MAPK15: variants seen among roughly 807,000 people sequenced by gnomAD.
The protein encoded by MAPK15 is ERK-7.
MAPK15 carries 61 observed loss-of-function variants against 60.8 expected under a neutral mutation model. The observed-to-expected ratio is 1.00, with a 90% CI of 0.82 to 1.24. MAPK15 has a LOEUF of 1.24. Ranked by LOEUF, MAPK15 falls within the 50% of genes most tolerant of loss-of-function variation. The pLI is 0.00. For missense variants in MAPK15, 808 were observed against 741.1 expected (o/e 1.09, Z -1.05); for synonymous variants, 356 against 319.9 (o/e 1.11, Z -1.21).
rs56038219 is a variant in MAPK15, at chr8:143,722,129, T to C, written c.1513T>C (p.Ser505Pro). 58,237 of 1,612,358 alleles carry C rather than the reference T, an allele frequency of 0.036. 1,319 individuals carry two copies. The highest frequency in any genetic ancestry group is 0.044 in the Non-Finnish European group (52,334 of 1,179,746). Residue 505 changes from serine (S) to proline (P), a missense_variant, in exon 14 of 14, where the codon TCT (serine) becomes CCT (proline). Transcript: ENST00000338033. ...GCCCGGCCGGAGGATGTTCAGCACC[T>C]CTGCCTTGCAGGGTGCCCAGGGGGG... is the stretch of plus-strand genomic sequence containing the variant. ...ARPGRRMFST[S>P]ALQGAQGGAR...
At position 143,718,316 on chromosome 8, in the gene MAPK15, C is replaced by G. The variant is rs782519909; in HGVS notation, c.286+14C>G. 2 of 1,611,862 alleles carry G rather than the reference C, an allele frequency of 1.2e-6. No homozygotes were observed. The highest frequency in any genetic ancestry group is 1.1e-5 in the South Asian group (1 of 91,060). On this transcript the variant is annotated intron_variant, in intron 4 of 13. Coordinates refer to ENST00000338033, the MANE Select transcript of MAPK15 (RefSeq NM_139021.3). ...TTGAGTTTATGGGTGAGTGAGGCCCCGGCCAGCGCCCCAGCCCCACCTCTG... is the reference window on the plus strand; with the variant it reads ...TTGAGTTTATGGGTGAGTGAGGCCCGGGCCAGCGCCCCAGCCCCACCTCTG...
Position 143,719,382 on chromosome 8 carries a change from C to A in MAPK15, c.621C>A (p.Ile207=), listed in dbSNP as rs146454342. Residue 207 remains isoleucine, a synonymous_variant, in exon 7 of 14, where the codon ATC becomes ATA. Coordinates refer to ENST00000338033, the MANE Select transcript of MAPK15 (RefSeq NM_139021.3). ...TGGACATGTGGAGTCTGGGCTGTATCCTGGGGGAGATGCTGCGGGGGAGAC... is the reference window on the plus strand; with the variant it reads ...TGGACATGTGGAGTCTGGGCTGTATACTGGGGGAGATGCTGCGGGGGAGAC... ...LGVDMWSLGC[I]LGEMLRGRPL... is the part of the protein sequence containing the mutation. 249 of 1,611,590 alleles carry A rather than the reference C, an allele frequency of 1.5e-4. No individual in the cohort carries two copies. In the Middle Eastern group the frequency reaches 1.7e-3, roughly 11 times the overall value.
At position 143,720,885 on chromosome 8, in the gene MAPK15, G is replaced by T. The variant is rs1554619583; in HGVS notation, c.917+45G>T. On this transcript the variant is annotated intron_variant, in intron 9 of 13. Transcript: ENST00000338033. This position sits in a 1 kb window ranked among gnomAD's most constrained non-coding sequence, Gnocchi z 4.6. ...CCCCAAGTGCGGGGGGACAGAGGTG[G>T]GGGCAGGAGAGAGCCAGCCCATGAG... The T allele has an allele frequency of 2.5e-6, 4 of 1,597,816 alleles. No homozygotes were observed. Among genetic ancestry groups the T allele is most frequent in the Middle Eastern group, 4.3e-4 (2 of 4,668 alleles).
Position 143,720,485 on chromosome 8 carries a change from G to A in MAPK15, c.779+198G>A. On this transcript the variant is annotated intron_variant, in intron 8 of 13. Coordinates refer to ENST00000338033, the MANE Select transcript of MAPK15 (RefSeq NM_139021.3). This position sits in a 1 kb window ranked among gnomAD's most constrained non-coding sequence, Gnocchi z 4.6. ...GGTGCTCCTAGAGGGTGGCCCAGAG[G>A]AGCTGTGCCAGGGCGTGGAGAGGAG... 1 of 1,449,072 alleles carries A rather than the reference G, an allele frequency of 6.9e-7. No individual in the cohort carries two copies. The highest frequency in any genetic ancestry group is 9.1e-7 in the Non-Finnish European group (1 of 1,097,748). The allele number at this position is 1,449,072 out of a possible 1,614,324, so 89.8% of individuals were successfully genotyped here.
At chr8:143,718,601 CT>C in intron 4 of MAPK15, 173 bp from the exon 5 acceptor site, 1 of 646,950 alleles carries the variant, frequency 1.5e-6, no homozygotes, top group Non-Finnish European at 2.7e-6. Context: ...AGTGTTAAAA[CT>C]CCTGCAGACC....
chr8:143,718,590 A>T, intron 4 of MAPK15, 185 bp from the exon 5 acceptor site: 1 of 636,372 alleles, frequency 1.6e-6, no homozygotes, highest in South Asian at 1.9e-5. Context: ...ACATGAAATA[A>T]AGTGTTAAAA....
At position 143,720,408 on chromosome 8, in the gene MAPK15, G is replaced by A; in HGVS notation, c.779+121G>A. The A allele has an allele frequency of 1.4e-6, 2 of 1,451,338 alleles. No individual in the cohort carries two copies. Among genetic ancestry groups the A allele is most frequent in the Non-Finnish European group, 1.8e-6 (2 of 1,098,622 alleles). 89.9% of individuals were successfully genotyped at this position (1,451,338 alleles called of 1,614,324 possible). A position where few individuals can be genotyped will look rare whatever the true frequency, so the allele number is the denominator to read the frequency against. On this transcript the variant is annotated intron_variant, in intron 8 of 13. Coordinates refer to ENST00000338033, the MANE Select transcript of MAPK15 (RefSeq NM_139021.3). This position sits in a 1 kb window ranked among gnomAD's most constrained non-coding sequence, Gnocchi z 4.6. ...TTCAGATTCTGCCTGTTTTCAAGAT[G>A]GCAGTCCCAAACCCAACAACTGTTG...
chr8:143,717,941 G>T, intron 2 of MAPK15, 106 bp from the exon 3 acceptor site: 1 of 1,548,220 alleles, frequency 6.5e-7, no homozygotes, highest in Non-Finnish European at 8.9e-7. Context: ...GCCACGCCTG[G>T]TCTGGTGGGT....
rs371482487 is a variant in MAPK15 at position 143,721,327 on chromosome 8, G to T, written c.1120G>T (p.Asp374Tyr). ...GGCACACCTGCACAAACCCAGAGCC[G>T]ACCCTCAGCTGCCTTCTAGGACACC... ...SQAHLHKPRA[D>Y]PQLPSRTPVQ... The change falls in exon 11 of 14, where the codon GAC becomes TAC. Residue 374 changes from aspartate (D) to tyrosine (Y), a missense_variant. Transcript: ENST00000338033. 1.1e-5 allele frequency: 17 copies of T among 1,613,492 alleles called. No individual in the cohort carries two copies. Among genetic ancestry groups the T allele is most frequent in the Non-Finnish European group, 1.4e-5 (17 of 1,179,928 alleles).
intron 1 of MAPK15, 122 bp downstream of exon 1, chr8:143,716,565 T>G: frequency 1.2e-6 from 1 of 822,274 alleles, no homozygotes; most frequent in Non-Finnish European, 1.8e-6. Context: ...TCCTGCCTCC[T>G]CCGTAGGCGG....
At chr8:143,719,555 C>A (rs1817966006) in intron 7 of MAPK15, 73 bp downstream of exon 7, 1 of 1,548,238 alleles carries the variant, frequency 6.5e-7, no homozygotes, top group Non-Finnish European at 8.7e-7. Context: ...GAGACAGCAG[C>A]TGACAGGCTA....
chr8:143,719,419 G>A lies in MAPK15; in HGVS notation c.658G>A (p.Gly220Ser), dbSNP rs149319950. ...EMLRGRPLFP[G>S]TSTLHQLELI... ...GCTGCGGGGGAGACCCCTGTTCCCC[G>A]GCACGTCCACCCTCCACCAGCTGGA... is the stretch of plus-strand genomic sequence containing the variant. Residue 220 changes from glycine (G) to serine (S), a missense_variant, in exon 7 of 14, where the codon GGC becomes AGC. Physicochemically the swap from Gly to Ser is moderately conservative, Grantham distance 56. Coordinates refer to ENST00000338033, the MANE Select transcript of MAPK15 (RefSeq NM_139021.3). The A allele has an allele frequency of 6.6e-5, 106 of 1,611,152 alleles. No individual in the cohort carries two copies. The highest frequency in any genetic ancestry group is 8.0e-5 in the African/African-American group (6 of 74,812).
chr8:143,718,019 C>A, intron 2 of MAPK15, 28 bp from the exon 3 acceptor site: 1 of 1,614,044 alleles, frequency 6.2e-7, no homozygotes, highest in Non-Finnish European at 8.5e-7. Context: ...CTCCACCCAC[C>A]CACACACCTG....
intron 7 of MAPK15, among the ~76,000 whole-genome samples, chr8:143,719,859 G>A (rs1554619343): frequency 6.6e-6 from 1 of 152,122 alleles, no homozygotes; most frequent in African/African-American, 2.4e-5. Flanking sequence ...GGAAGAGGTG[G>A]AGGAAGGCAG....
rs1818001850 is a variant in MAPK15, at chr8:143,720,470, G to C, written c.779+183G>C. The C allele has an allele frequency of 2.1e-6, 3 of 1,449,262 alleles. No individual in the cohort carries two copies. The highest frequency in any genetic ancestry group is 2.7e-6 in the Non-Finnish European group (3 of 1,098,068). 89.8% of individuals were successfully genotyped at this position (1,449,262 alleles called of 1,614,324 possible). A position where few individuals can be genotyped will look rare whatever the true frequency, so the allele number is the denominator to read the frequency against. On this transcript the variant is annotated intron_variant, in intron 8 of 13. Transcript: ENST00000338033. This position sits in a 1 kb window ranked among gnomAD's most constrained non-coding sequence, Gnocchi z 4.6. ...AGCAGGAGCCCCTCTGGTGCTCCTA[G>C]AGGGTGGCCCAGAGGAGCTGTGCCA...
chr8:143,718,718 C>T, intron 4 of MAPK15, 57 bp from the exon 5 acceptor site: 1 of 800,224 alleles, frequency 1.2e-6, no homozygotes, highest in Non-Finnish European at 2.0e-6. Context: ...CTCCCACTCC[C>T]CCCAGGTTGC....
At chr8:143,717,989 G>A (rs1267668471) in intron 2 of MAPK15, 58 bp from the exon 3 acceptor site, 3 of 1,612,054 alleles carry the variant, frequency 1.9e-6, no homozygotes, top group African/African-American at 2.7e-5. Flanking sequence ...GGTCCTCTCA[G>A]GACATGGGCT....
rs1554619253 is a variant in MAPK15, at chr8:143,719,387, G to A, written c.626G>A (p.Gly209Glu). The change falls in exon 7 of 14, where the codon GGG (glycine) becomes GAG (glutamate). Residue 209 changes from glycine (G) to glutamate (E), a missense_variant. Physicochemically the swap from Gly to Glu is moderately conservative, Grantham distance 98. Coordinates refer to ENST00000338033, the MANE Select transcript of MAPK15 (RefSeq NM_139021.3). The stretch of plus-strand genomic sequence containing the variant: ...ATGTGGAGTCTGGGCTGTATCCTGG[G>A]GGAGATGCTGCGGGGGAGACCCCTG... ...VDMWSLGCIL[G>E]EMLRGRPLFP... The A allele has an allele frequency of 6.2e-7, 1 of 1,611,626 alleles. No individual in the cohort carries two copies. The highest frequency in any genetic ancestry group is 1.7e-5 in the Admixed American group (1 of 59,664).
In MAPK15 at chr8:143,718,798, C is replaced by T. The variant is rs781924461; in HGVS notation, c.310C>T (p.Arg104Trp). 39 of 1,609,728 alleles carry T rather than the reference C, an allele frequency of 2.4e-5. 1 individual carries two copies. The highest frequency in any genetic ancestry group is 6.7e-5 in the East Asian group (3 of 44,684). Reference protein sequence around the residue: ...FMDTDLNAVIRKGGLLQDVHV... With the variant: ...FMDTDLNAVIWKGGLLQDVHV... ...AGACACTGACCTGAACGCAGTCATC[C>T]GGAAGGGCGGCCTGCTGCAGGACGT... The change falls in exon 5 of 14, where the codon CGG (arginine) becomes TGG (tryptophan). Residue 104 changes from arginine (R) to tryptophan (W), a missense_variant. Coordinates refer to ENST00000338033, the MANE Select transcript of MAPK15 (RefSeq NM_139021.3).
Sources: allele counts gnomAD v4.1 joint callset (sites outside exome capture counted in the v4.1 genomes callset), GRCh38; gene constraint gnomAD v4.1.1; non-coding constraint Gnocchi (gnomAD v3.1); transcripts MANE v1.5; gene names NCBI Gene and HGNC (gene_info 2026-07-23, HGNC 2026-07-21).